The following POU2F1 variants were observed in gnomAD, a reference collection of about 807,000 sequenced individuals.
The protein encoded by POU2F1 is POU class 2 homeobox 1, also known as POU domain, class 2, transcription factor 1.
In POU2F1, 16 loss-of-function variants were observed where a neutral mutation model predicts 84.9. The observed-to-expected ratio is 0.19, with a 90% CI of 0.13 to 0.29. POU2F1 has a LOEUF of 0.29. Ranked by LOEUF, POU2F1 falls within the 10% of genes least tolerant of loss-of-function variation. POU2F1 has a pLI of 1.00. For missense variants in POU2F1, 738 were observed against 942.6 expected (o/e 0.78, Z 2.84); for synonymous variants, 368 against 368.3 (o/e 1.00, Z 0.01).
intron 2 of POU2F1, among the ~76,000 whole-genome samples, chr1:167,356,690 T>C (rs1278549376): frequency 6.6e-6 from 1 of 152,092 alleles, no homozygotes. Flanking sequence ...AGAGCATGGG[T>C]GGAAGTTTAC....
At chr1:167,389,528 G>A (rs1648233156) in intron 8 of POU2F1, 60 bp from the exon 9 acceptor site, 1 of 1,572,766 alleles carries the variant, frequency 6.4e-7, no homozygotes, top group Non-Finnish European at 8.7e-7. Flanking sequence ...TGTTTACTTG[G>A]AGTAAACCTA....
chr1:167,339,652 T>C (rs1216958541), intron 2 of POU2F1, among the ~76,000 whole-genome samples: 2 of 152,204 alleles, frequency 1.3e-5, no homozygotes, highest in Non-Finnish European at 2.9e-5. Flanking sequence ...ACACAGTACT[T>C]TCTAGTGTTA....
intron 7 of POU2F1, 31 bp downstream of exon 7, chr1:167,376,186 A>G (rs1660314613): frequency 2.5e-6 from 4 of 1,602,150 alleles, no homozygotes; most frequent in Non-Finnish European, 3.4e-6. Flanking sequence ...TATTAGTGGT[A>G]TACCAAGGCT....
chr1:167,398,173 G>A (rs1364560196), intron 11 of POU2F1, 40 bp downstream of exon 11: 1 of 1,601,602 alleles, frequency 6.2e-7, no homozygotes, highest in African/African-American at 1.3e-5. Flanking sequence ...GGGATTGTCT[G>A]TGTAGTACTT....
At chr1:167,401,934 G>A (rs760628028) in intron 13 of POU2F1, among the ~76,000 whole-genome samples, 6 of 152,138 alleles carry the variant, frequency 3.9e-5, no homozygotes, top group Non-Finnish European at 8.8e-5. Context: ...ATACCAGCTT[G>A]TATGTCAATT....
At chr1:167,313,020 A>C (rs921294619) in intron 1 of POU2F1, among the ~76,000 whole-genome samples, 18 of 152,184 alleles carry the variant, frequency 1.2e-4, no homozygotes, top group African/African-American at 3.4e-4. Context: ...GTTTTTTGTA[A>C]GTATGTTCAC....
intron 1 of POU2F1, among the ~76,000 whole-genome samples, chr1:167,258,435 A>G (rs1342065692): frequency 6.6e-6 from 1 of 152,226 alleles, no homozygotes; most frequent in African/African-American, 2.4e-5. Flanking sequence ...TAGCACTTAC[A>G]AATTGCAAAA....
At chr1:167,370,634 G>A (rs1659948006) in intron 4 of POU2F1, among the ~76,000 whole-genome samples, 1 of 152,120 alleles carries the variant, frequency 6.6e-6, no homozygotes. Flanking sequence ...AGGGTCTTAG[G>A]TTTGCATTCT....
chr1:167,222,218 C>T (rs1366002803), intron 1 of POU2F1, among the ~76,000 whole-genome samples: 2 of 152,128 alleles, frequency 1.3e-5, no homozygotes, highest in East Asian at 1.9e-4. Context: ...TGTTGGGAGT[C>T]GGTGGGGAGG....
chr1:167,300,500 C>G (rs1329642229), intron 1 of POU2F1, among the ~76,000 whole-genome samples: 1 of 152,158 alleles, frequency 6.6e-6, no homozygotes, highest in East Asian at 1.9e-4. Flanking sequence ...GAGTCTTGCT[C>G]TGTCGCCAGG....
intron 1 of POU2F1, among the ~76,000 whole-genome samples, chr1:167,282,293 G>T (rs890783533): frequency 2.0e-5 from 3 of 151,536 alleles, no homozygotes; most frequent in African/African-American, 7.3e-5. Context: ...ACAGGCGCCC[G>T]CCACCACGCC....
At chr1:167,305,887 C>T (rs1655029438) in intron 1 of POU2F1, among the ~76,000 whole-genome samples, 1 of 152,194 alleles carries the variant, frequency 6.6e-6, no homozygotes, top group Non-Finnish European at 1.5e-5. Context: ...AGGGCTGGAA[C>T]AACTAACATT....
intron 3 of POU2F1, among the ~76,000 whole-genome samples, chr1:167,369,265 C>G (rs1659863722): frequency 6.6e-6 from 1 of 152,106 alleles, no homozygotes; most frequent in African/African-American, 2.4e-5. Context: ...TGCTGTATTC[C>G]TCTCAGTGCA....
intron 2 of POU2F1, among the ~76,000 whole-genome samples, chr1:167,339,172 T>C (rs1657670916): frequency 6.6e-6 from 1 of 152,150 alleles, no homozygotes; most frequent in African/African-American, 2.4e-5. Flanking sequence ...CTCCCTTTCC[T>C]GTCCCCCTCC....
chr1:167,342,164 C>A (rs563144150), intron 2 of POU2F1, among the ~76,000 whole-genome samples: 1 of 152,106 alleles, frequency 6.6e-6, no homozygotes. Flanking sequence ...CATGGGTTTC[C>A]AGGCTTGAGG....
chr1:167,323,088 C>G (rs1488607544), intron 1 of POU2F1, among the ~76,000 whole-genome samples: 1 of 152,212 alleles, frequency 6.6e-6, no homozygotes, highest in Admixed American at 6.5e-5. Context: ...ACGTTCTTGT[C>G]TTCCCAATTC....
intron 1 of POU2F1, among the ~76,000 whole-genome samples, chr1:167,286,297 G>C (rs1653521068): frequency 6.6e-6 from 1 of 152,094 alleles, no homozygotes; most frequent in Admixed American, 6.5e-5. Context: ...TGTCAAATCA[G>C]ATACCTGTCA....
chr1:167,327,348 AACAGGTATT>A (rs1656774359), intron 1 of POU2F1, among the ~76,000 whole-genome samples: 1 of 152,288 alleles, frequency 6.6e-6, no homozygotes, highest in Non-Finnish European at 1.5e-5. Context: ...AAGGAACTTA[AACAGGTATT>A]ACAGGTATTA....
At chr1:167,253,243 C>T (rs1040516194) in intron 1 of POU2F1, among the ~76,000 whole-genome samples, 12 of 152,166 alleles carry the variant, frequency 7.9e-5, no homozygotes, top group African/African-American at 2.9e-4. Context: ...TATCTTTCAT[C>T]AGCCCAAGAG....
Sources: allele counts gnomAD v4.1 joint callset (sites outside exome capture counted in the v4.1 genomes callset), GRCh38; gene constraint gnomAD v4.1.1; transcripts MANE v1.5; gene names NCBI Gene and HGNC (gene_info 2026-07-23, HGNC 2026-07-21).